The following TEK variants were observed in gnomAD, a reference collection of about 807,000 sequenced individuals.
TEK encodes TEK receptor tyrosine kinase.
TEK carries 43 observed loss-of-function variants against 131.8 expected under a neutral mutation model. The ratio of observed to expected loss-of-function variants is 0.33; its 90% CI spans 0.26 to 0.42. The LOEUF is 0.42. Among genes scored for constraint, TEK ranks in the 10% least tolerant of loss-of-function variants. The pLI is 1.00. For synonymous variants in TEK, 580 were observed against 491.6 expected, an observed-to-expected ratio of 1.18 and a Z score of -2.38; for missense variants, 1,162 against 1,384.4, an observed-to-expected ratio of 0.84 and a Z score of 2.55.
At chr9:27,190,305 G>A (rs1824764045) in intron 9 of TEK, among the ~76,000 whole-genome samples, 1 of 152,132 alleles carries the variant, frequency 6.6e-6, no homozygotes, top group Non-Finnish European at 1.5e-5. Flanking sequence ...GAAGGGTCTT[G>A]AGCAAAGGGG....
intron 18 of TEK, among the ~76,000 whole-genome samples, chr9:27,214,875 A>C (rs907398517): frequency 1.3e-5 from 2 of 152,006 alleles, no homozygotes; most frequent in Non-Finnish European, 2.9e-5. Flanking sequence ...TTTTCTCCCT[A>C]ACCTTTTCAG....
At chr9:27,139,123 G>A (rs1455290686) in intron 1 of TEK, among the ~76,000 whole-genome samples, 2 of 147,534 alleles carry the variant, frequency 1.4e-5, no homozygotes, top group Non-Finnish European at 3.0e-5. Context: ...TGAGGCAGGA[G>A]AATGGCGTGA....
In TEK at chr9:27,228,261, G is replaced by A; in HGVS notation, c.3256G>A (p.Ala1086Thr). The A allele has an allele frequency of 6.2e-7, 1 of 1,613,066 alleles. No homozygotes were observed. The highest frequency in any genetic ancestry group is 8.5e-7 in the Non-Finnish European group (1 of 1,179,296). Reference protein sequence around the residue: ...REKPYERPSFAQILVSLNRML... With the variant: ...REKPYERPSFTQILVSLNRML... ...GAAGCCTTATGAGAGGCCATCATTT[G>A]CCCAGATATTGGTGTCCTTAAACAG... Residue 1086 changes from alanine (A) to threonine (T), a missense_variant, in exon 22 of 23, where the codon GCC becomes ACC. Transcript: ENST00000380036.
chr9:27,130,602 T>C (rs1234179581), intron 1 of TEK, among the ~76,000 whole-genome samples: 1 of 149,326 alleles, frequency 6.7e-6, no homozygotes, highest in East Asian at 1.9e-4. Context: ...TTGGAACAAA[T>C]ATGGTAAATA....
Position 27,109,596 on chromosome 9 carries a change from C to A in TEK, c.6C>A (p.Asp2Glu), listed in dbSNP as rs977092623. The change falls in exon 1 of 23, where the codon GAC becomes GAA. Residue 2 changes from aspartate to glutamate, a missense_variant. Transcript: ENST00000380036. MDSLASLVLCGV... is the reference protein window; with the variant it reads MESLASLVLCGV... ...ATGGAGAGATTTGGGGAAGCATGGACTCTTTAGCCAGCTTAGTTCTCTGTG... is the reference window on the plus strand; with the variant it reads ...ATGGAGAGATTTGGGGAAGCATGGAATCTTTAGCCAGCTTAGTTCTCTGTG... 6 of 1,613,992 alleles carry A rather than the reference C, an allele frequency of 3.7e-6. No individual in the cohort carries two copies. The highest frequency in any genetic ancestry group is 1.7e-5 in the Admixed American group (1 of 59,996).
chr9:27,209,238 T>G lies in TEK; in HGVS notation c.2686+7T>G. 6.3e-7 allele frequency: 1 copy of G among 1,592,110 alleles called. No homozygotes were observed. Among genetic ancestry groups the G allele is most frequent in the Non-Finnish European group, 8.6e-7 (1 of 1,160,082 alleles). On this transcript the variant is annotated splice_region_variant and intron_variant, in intron 16 of 22. Transcript: ENST00000380036. ...GGAGCATGTGAACATCGAGGTAAGA[T>G]GCTCTTTTCCTGTCTTTCCTGCCAG...
rs762315683 is a variant in TEK at position 27,205,021 on chromosome 9, A to C, written c.2320A>C (p.Arg774=). 2 of 1,614,066 alleles carry C rather than the reference A, an allele frequency of 1.2e-6. No individual in the cohort carries two copies. The highest frequency in any genetic ancestry group is 1.7e-6 in the Non-Finnish European group (2 of 1,179,944). The change falls in exon 14 of 23, where the codon AGG becomes CGG. Residue 774 remains arginine (R), a synonymous_variant. Transcript: ENST00000380036. ...CTTTCTGATCATATTGCAATTGAAG[A>C]GGGCAAATGTGCAAAGGAGAATGGC... ...LAFLIILQLK[R]ANVQRRMAQA...
At chr9:27,169,688 T>C (rs1823876589) in intron 4 of TEK, 59 bp downstream of exon 4, 4 of 1,609,892 alleles carry the variant, frequency 2.5e-6, no homozygotes, top group South Asian at 2.2e-5. Context: ...TTAGGATTTT[T>C]AGTTGCAAAT....
Position 27,220,279 on chromosome 9 carries a change from C to A in TEK, c.3200+134C>A, listed in dbSNP as rs1351671939. 7 of 752,408 alleles carry A rather than the reference C, an allele frequency of 9.3e-6. No homozygotes were observed. The Admixed American group carries it at 1.5e-4, about 16-fold the overall frequency. The allele number at this position is 752,408 out of a possible 1,614,324, so 46.6% of individuals were successfully genotyped here. On this transcript the variant is annotated intron_variant, in intron 21 of 22. Transcript: ENST00000380036. ...TACACACAGAGATCCCAAATAGGAACCCCTCCCCTTTTATTCACCTAATAC... is the reference window on the plus strand; with the variant it reads ...TACACACAGAGATCCCAAATAGGAAACCCTCCCCTTTTATTCACCTAATAC...
At chr9:27,118,228 G>T (rs1821643416) in intron 1 of TEK, among the ~76,000 whole-genome samples, 1 of 152,178 alleles carries the variant, frequency 6.6e-6, no homozygotes, top group Non-Finnish European at 1.5e-5. Flanking sequence ...TATGTGCCAA[G>T]TGTTAAATAT....
At chr9:27,216,396 G>C (rs536865861) in intron 18 of TEK, among the ~76,000 whole-genome samples, 2 of 152,234 alleles carry the variant, frequency 1.3e-5, no homozygotes, top group East Asian at 3.9e-4. Flanking sequence ...AAATGAAAAA[G>C]TGCACAAGGA....
At chr9:27,197,680 A>T (rs1825079510) in intron 12 of TEK, 81 bp downstream of exon 12, 2 of 1,548,548 alleles carry the variant, frequency 1.3e-6, no homozygotes, top group African/African-American at 1.4e-5. Flanking sequence ...TCACTGCAGG[A>T]CTATTGGAAA....
chr9:27,220,359 A>G (rs1351556679), intron 21 of TEK, among the ~76,000 whole-genome samples: 1 of 152,202 alleles, frequency 6.6e-6, no homozygotes, highest in Non-Finnish European at 1.5e-5. Context: ...TTCAGGAGGA[A>G]TTTAATGACT....
chr9:27,150,657 CT>C (rs1158534181), intron 1 of TEK, among the ~76,000 whole-genome samples: 3 of 152,174 alleles, frequency 2.0e-5, no homozygotes, highest in African/African-American at 7.2e-5. Context: ...TGTAAAACCT[CT>C]TCCGGTGTAA....
intron 8 of TEK, among the ~76,000 whole-genome samples, chr9:27,183,949 C>T (rs1824496723): frequency 6.6e-6 from 1 of 152,148 alleles, no homozygotes. Context: ...CGCAGTGTCC[C>T]CATATCTCTA....
rs199995407 is a variant in TEK, at chr9:27,109,317, C to G, written c.-274C>G. The G allele has an allele frequency of 5.3e-6, 3 of 569,960 alleles. No individual in the cohort carries two copies. Among genetic ancestry groups the G allele is most frequent in the East Asian group, 3.0e-5 (1 of 33,818 alleles). The allele number at this position is 569,960 out of a possible 1,614,324, so 35.3% of individuals were successfully genotyped here. A position where few individuals can be genotyped will look rare whatever the true frequency, so the allele number is the denominator to read the frequency against. ...TTGCGAGATGGATAGGGCTTGAGTGCCCCCAGCCCTGCTGATACCAAATGC... is the reference window on the plus strand; with the variant it reads ...TTGCGAGATGGATAGGGCTTGAGTGGCCCCAGCCCTGCTGATACCAAATGC... On this transcript the variant is annotated 5_prime_UTR_variant, in exon 1 of 23. Transcript: ENST00000380036.
intron 1 of TEK, among the ~76,000 whole-genome samples, chr9:27,149,005 A>G (rs1400052420): frequency 3.3e-5 from 5 of 152,164 alleles, no homozygotes; most frequent in Admixed American, 6.5e-5. Context: ...GGCAGAAACC[A>G]TATTTTATTT....
At position 27,157,884 on chromosome 9, in the gene TEK, T is replaced by C; in HGVS notation, c.106T>C (p.Ser36Pro). 1 of 1,614,094 alleles carries C rather than the reference T, an allele frequency of 6.2e-7. No individual in the cohort carries two copies. Among genetic ancestry groups the C allele is most frequent in the Non-Finnish European group, 8.5e-7 (1 of 1,180,012 alleles). The change falls in exon 2 of 23, where the codon TCT becomes CCT. Residue 36 changes from serine (S) to proline (P), a missense_variant. Physicochemically the swap from Ser to Pro is moderately conservative, Grantham distance 74 (BLOSUM62 -1). This residue lies in a region of TEK where 436 missense variants were observed against 539.1 expected (regional missense o/e 0.81). Coordinates refer to ENST00000380036, the MANE Select transcript of TEK (RefSeq NM_000459.5). ...CTTGATCAATTCCCTACCTCTTGTA[T>C]CTGATGCTGAAACATCTCTCACCTG... is the stretch of plus-strand genomic sequence containing the variant. ...LILINSLPLV[S>P]DAETSLTCIA...
intron 1 of TEK, among the ~76,000 whole-genome samples, chr9:27,136,082 G>GTTATTTTT (rs1822417995): frequency 1.0e-5 from 1 of 99,196 alleles, no homozygotes; most frequent in Non-Finnish European, 2.3e-5. Context: ...TCCCAGGGCA[G>GTTATTTTT]TTATTTTTTT....
Sources: allele counts gnomAD v4.1 joint callset (sites outside exome capture counted in the v4.1 genomes callset), GRCh38; gene constraint gnomAD v4.1.1; regional missense constraint gnomAD v4.1.1; transcripts MANE v1.5; gene names NCBI Gene and HGNC (gene_info 2026-07-23, HGNC 2026-07-21).